FOXP1: variants seen among roughly 807,000 people sequenced by gnomAD.
FOXP1 encodes the protein forkhead box protein P1.
A neutral mutation model predicts 98.2 loss-of-function variants in FOXP1; 15 were observed. That is an observed-to-expected ratio of 0.15 (90% confidence interval 0.10 to 0.24). The LOEUF (loss-of-function observed/expected upper bound fraction) is 0.24, where lower values mean the gene tolerates loss of function less well. Ranked by LOEUF, FOXP1 falls within the 10% of genes least tolerant of loss-of-function variation. FOXP1 has a pLI of 1.00. For missense variants in FOXP1, 633 were observed against 848.5 expected, an observed-to-expected ratio of 0.75 and a Z score of 3.15; for synonymous variants, 371 against 314.5, an observed-to-expected ratio of 1.18 and a Z score of -1.90.
chr3:71,083,464 C>A (rs1172806671), intron 7 of FOXP1, among the ~76,000 whole-genome samples: 1 of 152,192 alleles, frequency 6.6e-6, no homozygotes, highest in Non-Finnish European at 1.5e-5. Context: ...AACAGCCTAA[C>A]ACACTTACCA....
intron 2 of FOXP1, among the ~76,000 whole-genome samples, chr3:71,497,615 G>A (rs2091505959): frequency 6.6e-6 from 1 of 152,128 alleles, no homozygotes. Context: ...TCTTAAACAA[G>A]TTCCAGGAAT....
At position 71,502,843 on chromosome 3, in the gene FOXP1, C is replaced by T. The variant is rs538594440; in HGVS notation, c.-297-9288G>A. Among the ~76,000 whole-genome samples the T allele has an allele frequency of 7.9e-5, 12 of 151,976 alleles. No homozygotes were observed. The East Asian group carries it at 2.1e-3, about 27-fold the overall frequency. Reference sequence around the variant, plus strand: ...CCATGAAAAATTAAGGTTATGTAACCGGCATACATAACAGCTAATACGGGA... The same window carrying T: ...CCATGAAAAATTAAGGTTATGTAACTGGCATACATAACAGCTAATACGGGA... On this transcript the variant is annotated intron_variant, in intron 2 of 20. Transcript: ENST00000649528.
At chr3:71,167,615 A>G (rs909313007) in intron 6 of FOXP1, among the ~76,000 whole-genome samples, 53 of 152,226 alleles carry the variant, frequency 3.5e-4, no homozygotes, top group African/African-American at 1.2e-3. Context: ...GTCAGTGTCA[A>G]TATTTTAAGT....
intron 3 of FOXP1, among the ~76,000 whole-genome samples, chr3:71,433,034 TA>T (rs149941095): frequency 4.2e-4 from 63 of 149,076 alleles, no homozygotes; most frequent in African/African-American, 1.2e-3. Context: ...CTTTTGGTGT[TA>T]AAAAAAAAAT....
chr3:71,543,723 CTGAGAGCTGCAGGCCTATATCCCT>C (rs2045086820), intron 2 of FOXP1, among the ~76,000 whole-genome samples: 3 of 152,246 alleles, frequency 2.0e-5, no homozygotes, highest in Admixed American at 2.0e-4. Flanking sequence ...CACAGAAAGC[CTGAGAGCTGCAGGCCTATATCCCT>C]CTACTTCTGT....
intron 5 of FOXP1, among the ~76,000 whole-genome samples, chr3:71,207,078 C>T (rs2064094057): frequency 1.3e-5 from 2 of 152,084 alleles, no homozygotes; most frequent in Non-Finnish European, 2.9e-5. Context: ...CATGATGGGG[C>T]CAGGTGTTCT....
At chr3:71,222,062 A>G (rs1560139117) in intron 5 of FOXP1, among the ~76,000 whole-genome samples, 1 of 152,174 alleles carries the variant, frequency 6.6e-6, no homozygotes, top group East Asian at 1.9e-4. Flanking sequence ...CTGAGGCAAG[A>G]GAATCGCTTG....
intron 3 of FOXP1, among the ~76,000 whole-genome samples, chr3:71,415,129 G>A (rs751250477): frequency 6.6e-6 from 1 of 152,158 alleles, no homozygotes; most frequent in Non-Finnish European, 1.5e-5. Context: ...GAAAGAAAGG[G>A]AATCTGTGTT....
At chr3:71,474,885 C>A (rs147407614) in intron 3 of FOXP1, among the ~76,000 whole-genome samples, 96 of 152,142 alleles carry the variant, frequency 6.3e-4, no homozygotes, top group African/African-American at 2.2e-3. Flanking sequence ...TCCTCTGGTC[C>A]ATGGAAAAAC....
chr3:71,457,508 C>T (rs1164676371), intron 3 of FOXP1, among the ~76,000 whole-genome samples: 1 of 152,156 alleles, frequency 6.6e-6, no homozygotes, highest in Non-Finnish European at 1.5e-5. Context: ...TCTCTACCCC[C>T]ATGAAATTAA....
intron 11 of FOXP1, among the ~76,000 whole-genome samples, chr3:71,018,375 G>A (rs2044839079): frequency 6.6e-6 from 1 of 152,102 alleles, no homozygotes; most frequent in South Asian, 2.1e-4. Flanking sequence ...TCAGAAGACC[G>A]CTTGTGAATT....
At chr3:71,050,200 A>C (rs1258201058) in intron 9 of FOXP1, among the ~76,000 whole-genome samples, 1 of 152,098 alleles carries the variant, frequency 6.6e-6, no homozygotes, top group Non-Finnish European at 1.5e-5. Flanking sequence ...TTCCTTTCTG[A>C]CAACAGCAAT....
At chr3:71,307,482 C>T (rs1309364715) in intron 4 of FOXP1, among the ~76,000 whole-genome samples, 2 of 152,102 alleles carry the variant, frequency 1.3e-5, no homozygotes, top group Non-Finnish European at 2.9e-5. Flanking sequence ...TACCCAAAGA[C>T]CCAGAGAATA....
At chr3:71,202,989 G>T (rs2063768274) in intron 5 of FOXP1, among the ~76,000 whole-genome samples, 1 of 152,072 alleles carries the variant, frequency 6.6e-6, no homozygotes, top group Non-Finnish European at 1.5e-5. Flanking sequence ...TCTCTCTGGG[G>T]GAATAACTAA....
At chr3:70,960,170 C>T (rs2032990110) in intron 20 of FOXP1, among the ~76,000 whole-genome samples, 1 of 152,156 alleles carries the variant, frequency 6.6e-6, no homozygotes, top group Non-Finnish European at 1.5e-5. Context: ...ATGCTTGAAA[C>T]TCCAAATTAA....
At chr3:71,136,819 C>CA (rs34383910) in intron 6 of FOXP1, among the ~76,000 whole-genome samples, 135,557 of 149,182 alleles carry the variant, frequency 0.91, 62,383 homozygotes, top group South Asian at 0.98. Context: ...AGAAATACAA[C>CA]AAAAAAAAAA....
At chr3:71,145,719 T>A (rs932538300) in intron 6 of FOXP1, among the ~76,000 whole-genome samples, 1 of 152,194 alleles carries the variant, frequency 6.6e-6, no homozygotes, top group African/African-American at 2.4e-5. Context: ...TGGTATCGCA[T>A]CCTATTTTTT....
chr3:71,007,237 C>G (rs2042922101), intron 12 of FOXP1, among the ~76,000 whole-genome samples: 1 of 152,026 alleles, frequency 6.6e-6, no homozygotes, highest in African/African-American at 2.4e-5. Flanking sequence ...AGACTTGTCA[C>G]CTCAGATCTG....
chr3:71,015,599 G>A lies in FOXP1; in HGVS notation c.924C>T (p.Cys308=), dbSNP rs2107739884. 1 of 1,613,234 alleles carries A rather than the reference G, an allele frequency of 6.2e-7. No individual in the cohort carries two copies. The highest frequency in any genetic ancestry group is 8.5e-7 in the Non-Finnish European group (1 of 1,179,320). The change falls in exon 12 of 21, where the codon TGC becomes TGT. Residue 308 remains cysteine, a synonymous_variant. Coordinates refer to ENST00000649528, the MANE Select transcript of FOXP1 (RefSeq NM_001349338.3). ...ACACTGCTTCACAGCCTGGCCACTT[G>A]CATACACCATGTCCATAGAGAGGAT... ...HSHPLYGHGV[C]KWPGCEAVCE...
Sources: gnomAD v4.1 joint callset for allele counts (sites outside exome capture counted in the v4.1 genomes callset) on GRCh38, gnomAD v4.1.1 for gene constraint, MANE v1.5 for transcripts, NCBI Gene and HGNC (gene_info 2026-07-23, HGNC 2026-07-21) for gene names.